Variants in NUDT1 observed in about 807,000 individuals in gnomAD.
The protein encoded by NUDT1 is nudix hydrolase 1, also known as oxidized purine nucleoside triphosphate hydrolase.
NUDT1 carries 16 observed loss-of-function variants against 11.3 expected under a neutral mutation model. The ratio of observed to expected loss-of-function variants is 1.41; its 90% CI spans 0.96 to 2.15. The LOEUF (loss-of-function observed/expected upper bound fraction) is 2.15, where lower values mean the gene tolerates loss of function less well. Among genes scored for constraint, NUDT1 ranks in the 30% most tolerant of loss-of-function variants. The pLI is 0.00. For missense variants in NUDT1, 234 were observed against 208.4 expected, an observed-to-expected ratio of 1.12 and a Z score of -0.76; for synonymous variants, 101 against 84.4, an observed-to-expected ratio of 1.20 and a Z score of -1.08.
At position 2,249,934 on chromosome 7, in the gene NUDT1, A is replaced by C. The variant is rs1445534641; in HGVS notation, c.230A>C (p.Glu77Ala). The change falls in exon 3 of 4, where the codon GAG (glutamate) becomes GCG (alanine). Residue 77 changes from glutamate to alanine, a missense_variant. Coordinates refer to ENST00000356714, the MANE Select transcript of NUDT1 (RefSeq NM_002452.4). ...CAGATCGTGTTTGAGTTCGTGGGCGAGCCTGAGCTCATGGACGTGCATGTC... is the reference window on the plus strand; with the variant it reads ...CAGATCGTGTTTGAGTTCGTGGGCGCGCCTGAGCTCATGGACGTGCATGTC... The part of the protein sequence containing the change: ...VGQIVFEFVG[E>A]PELMDVHVFC... The C allele has an allele frequency of 6.2e-7, 1 of 1,614,164 alleles. No homozygotes were observed. Among genetic ancestry groups the C allele is most frequent in the South Asian group, 1.1e-5 (1 of 91,086 alleles).
At chr7:2,243,374 C>G (rs1215184340) in intron 1 of NUDT1, among the ~76,000 whole-genome samples, 1 of 152,254 alleles carries the variant, frequency 6.6e-6, no homozygotes. Context: ...CCCAGCACTT[C>G]CCTGCCCCCT....
intron 2 of NUDT1, 173 bp from the exon 3 acceptor site, chr7:2,249,684 C>A: frequency 2.7e-6 from 2 of 748,080 alleles, no homozygotes; most frequent in Non-Finnish European, 4.4e-6. Context: ...GATTCTGAAG[C>A]TCAGCCAGGT....
In NUDT1 at chr7:2,249,881, G is replaced by A; in HGVS notation, c.177G>A (p.Leu59=). The A allele has an allele frequency of 6.2e-7, 1 of 1,613,978 alleles. No homozygotes were observed. Among genetic ancestry groups the A allele is most frequent in the Non-Finnish European group, 8.5e-7 (1 of 1,180,036 alleles). ...ARRELQEESG[L]TVDALHKVGQ... ...GGGAGCTGCAGGAGGAGAGCGGTCTGACAGTGGACGCCCTGCACAAGGTGG... is the reference window on the plus strand; with the variant it reads ...GGGAGCTGCAGGAGGAGAGCGGTCTAACAGTGGACGCCCTGCACAAGGTGG... The change falls in exon 3 of 4, where the codon CTG becomes CTA. Residue 59 remains leucine, a synonymous_variant. Transcript: ENST00000356714.
chr7:2,243,364 C>T (rs1194319494), intron 1 of NUDT1, among the ~76,000 whole-genome samples: 1 of 152,238 alleles, frequency 6.6e-6, no homozygotes, highest in Admixed American at 6.5e-5. Flanking sequence ...CCCTCCTCTA[C>T]CCAGCACTTC....
Position 2,248,547 on chromosome 7 carries a change from CTTTTTTTT to C in NUDT1, c.153-1295_153-1288del, listed in dbSNP as rs11393832. Among the ~76,000 whole-genome samples the C allele has an allele frequency of 1.5e-4, 18 of 122,588 alleles. No homozygotes were observed. The East Asian group carries it at 2.4e-3, about 16-fold the overall frequency. The allele number at this position is 122,588 out of a possible 152,430, so 80.4% of individuals were successfully genotyped here. A position where few individuals can be genotyped will look rare whatever the true frequency, so the allele number is the denominator to read the frequency against. On this transcript the variant is annotated intron_variant, in intron 2 of 3. Coordinates refer to ENST00000356714, the MANE Select transcript of NUDT1 (RefSeq NM_002452.4). ...AGGTATAAAGTGTGTATGATGTTTG[CTTTTTTTT>C]TTTTTTTTTTTTTTAAGACAGGGTC...
At chr7:2,250,759 A>G in intron 3 of NUDT1, 70 bp from the exon 4 acceptor site, 6 of 1,601,026 alleles carry the variant, frequency 3.7e-6, no homozygotes, top group South Asian at 3.3e-5. Context: ...CGCCCGGCCA[A>G]AAAAAACATG....
Position 2,247,040 on chromosome 7 carries a change from C to T in NUDT1, c.152+2314C>T, listed in dbSNP as rs914407878. On this transcript the variant is annotated intron_variant, in intron 2 of 3. Coordinates refer to ENST00000356714, the MANE Select transcript of NUDT1 (RefSeq NM_002452.4). ...TAGGGGTCCCAGGGCCCCGGGAACC[C>T]AGCAGCAAACAGCCTCGCCCTCAGG... 4.6e-5 allele frequency among the ~76,000 whole-genome samples: 7 copies of T among 152,276 alleles called. No homozygotes were observed. The East Asian group carries it at 1.4e-3, about 29-fold the overall frequency.
At chr7:2,244,952 G>A (rs111735463) in intron 2 of NUDT1, among the ~76,000 whole-genome samples, 33 of 152,212 alleles carry the variant, frequency 2.2e-4, no homozygotes, top group African/African-American at 7.2e-4. Flanking sequence ...AGAACGGTGC[G>A]CGGTGTGCGG....
intron 3 of NUDT1, among the ~76,000 whole-genome samples, chr7:2,250,566 T>A (rs573962133): frequency 7.1e-4 from 108 of 152,310 alleles, no homozygotes; most frequent in African/African-American, 2.5e-3. Flanking sequence ...CACACCATTC[T>A]CCTGCCTCAG....
chr7:2,250,093 T>G, intron 3 of NUDT1, 91 bp downstream of exon 3: 2 of 1,546,634 alleles, frequency 1.3e-6, no homozygotes, highest in Non-Finnish European at 1.8e-6. Context: ...CATCTCTGAG[T>G]GCCAGGGACC....
rs1197888971 is a variant in NUDT1 at position 2,251,141 on chromosome 7, C to T, written c.*140C>T. On this transcript the variant is annotated 3_prime_UTR_variant, in exon 4 of 4. Coordinates refer to ENST00000356714, the MANE Select transcript of NUDT1 (RefSeq NM_002452.4). ...TGGAAGGGAAAATAAAGCTATCTAG[C>T]GGTGGTTTTTTTTTTTTTTTTTTGG... 2.5e-5 allele frequency: 14 copies of T among 560,546 alleles called. No homozygotes were observed. The highest frequency in any genetic ancestry group is 4.0e-5 in the East Asian group (1 of 25,290). The allele number at this position is 560,546 out of a possible 1,614,324, so 34.7% of individuals were successfully genotyped here.
chr7:2,243,030 A>C (rs1794612842), intron 1 of NUDT1: 1 of 717,038 alleles, frequency 1.4e-6, no homozygotes, highest in Non-Finnish European at 2.6e-6. Flanking sequence ...GGGAGCCAGA[A>C]GGCAGTTGGA....
chr7:2,242,728 G>A (rs1794598271), intron 1 of NUDT1: 1 of 460,690 alleles, frequency 2.2e-6, no homozygotes, highest in Non-Finnish European at 3.9e-6. Flanking sequence ...CAAGCCTCTA[G>A]GGGAACATAC....
chr7:2,251,052 C>T lies in NUDT1; in HGVS notation c.*51C>T. 14 of 1,583,906 alleles carry T rather than the reference C, an allele frequency of 8.8e-6. No homozygotes were observed. Among genetic ancestry groups the T allele is most frequent in the Non-Finnish European group, 1.1e-5 (13 of 1,155,268 alleles). On this transcript the variant is annotated 3_prime_UTR_variant, in exon 4 of 4. Coordinates refer to ENST00000356714, the MANE Select transcript of NUDT1 (RefSeq NM_002452.4). ...AGGAGACGTGGCTGCTGAACAGCCGCAAACCATCTTCACCTGGGGGCATTG... is the reference window on the plus strand; with the variant it reads ...AGGAGACGTGGCTGCTGAACAGCCGTAAACCATCTTCACCTGGGGGCATTG...
In NUDT1 at chr7:2,249,830, C is replaced by A; in HGVS notation, c.153-27C>A. ...GCATGGCACCATGCCCTGACGGCCT[C>A]CCTCCCCTGCCCACCTCTGCCCGCA... On this transcript the variant is annotated intron_variant, in intron 2 of 3. Transcript: ENST00000356714. The A allele has an allele frequency of 1.9e-6, 3 of 1,610,632 alleles. No individual in the cohort carries two copies. In the African/African-American group the frequency reaches 4.0e-5, roughly 21 times the overall value.
At chr7:2,249,270 G>A (rs1015836945) in intron 2 of NUDT1, 1 of 156,974 alleles carries the variant, frequency 6.4e-6, no homozygotes, top group African/African-American at 2.4e-5. Context: ...CCTCCTTCAG[G>A]AAACAGATCA....
At chr7:2,243,063 G>C (rs1484429842) in intron 1 of NUDT1, 2 of 715,558 alleles carry the variant, frequency 2.8e-6, no homozygotes, top group Admixed American at 2.0e-5. Context: ...TTTTCCCCTG[G>C]AGTCGGGCTG....
At chr7:2,244,939 C>G (rs1005155335) in intron 2 of NUDT1, among the ~76,000 whole-genome samples, 2 of 152,212 alleles carry the variant, frequency 1.3e-5, no homozygotes, top group African/African-American at 4.8e-5. Flanking sequence ...ACTCGAAGGA[C>G]TTAGAACGGT....
At chr7:2,244,770 G>A (rs766174589) in intron 2 of NUDT1, 44 bp downstream of exon 2, 53 of 1,581,586 alleles carry the variant, frequency 3.4e-5, no homozygotes, top group Non-Finnish European at 4.4e-5. Flanking sequence ...CTTTCCCAGG[G>A]CACAGGGATT....
Sources: allele counts gnomAD v4.1 joint callset (sites outside exome capture counted in the v4.1 genomes callset), GRCh38; gene constraint gnomAD v4.1.1; transcripts MANE v1.5; gene names NCBI Gene and HGNC (gene_info 2026-07-23, HGNC 2026-07-21).